DNAAF1: variants seen among roughly 807,000 people sequenced by gnomAD.
The protein encoded by DNAAF1 is dynein axonemal assembly factor 1, also known as dynein assembly factor 1, axonemal.
Under a neutral mutation model 71.1 loss-of-function variants are expected in DNAAF1, and 65 were observed. The observed-to-expected ratio is 0.91, with a 90% CI of 0.75 to 1.12. The LOEUF is 1.12. DNAAF1 is among the 50% of genes most tolerant of loss of function. The probability of loss-of-function intolerance (pLI) is 0.00; values close to 1 mark genes in which losing one functional copy is unlikely to be tolerated. For synonymous variants in DNAAF1, 414 were observed against 354.6 expected, an observed-to-expected ratio of 1.17 and a Z score of -1.88; for missense variants, 1,178 against 899.8, an observed-to-expected ratio of 1.31 and a Z score of -3.96.
At chr16:84,150,923 A>C (rs897973724) in intron 3 of DNAAF1, among the ~76,000 whole-genome samples, 1 of 152,098 alleles carries the variant, frequency 6.6e-6, no homozygotes, top group Non-Finnish European at 1.5e-5. Context: ...CAGGACTTTA[A>C]TTTTTCATAC....
At chr16:84,149,246 T>A in intron 2 of DNAAF1, 104 bp downstream of exon 2, 2 of 1,440,902 alleles carry the variant, frequency 1.4e-6, no homozygotes. Context: ...GAGATTGAAT[T>A]GCCTGCCCAA....
chr16:84,150,985 G>A (rs1307736547), intron 3 of DNAAF1, among the ~76,000 whole-genome samples: 2 of 152,146 alleles, frequency 1.3e-5, no homozygotes, highest in East Asian at 3.9e-4. Flanking sequence ...TGTTGGGAAG[G>A]ATTGCAGCTT....
At chr16:84,165,617 G>T (rs908267257) in intron 6 of DNAAF1, among the ~76,000 whole-genome samples, 166 bp from the exon 7 acceptor site, 1 of 152,110 alleles carries the variant, frequency 6.6e-6, no homozygotes, top group Admixed American at 6.6e-5. Context: ...AGGCTTTGCA[G>T]ACTGTTCCAC....
rs145075337 is a variant in DNAAF1, at chr16:84,176,072, C to A, written c.1838C>A (p.Thr613Asn). 2.6e-4 allele frequency: 419 copies of A among 1,613,952 alleles called. No homozygotes were observed. The highest frequency in any genetic ancestry group is 3.4e-4 in the Non-Finnish European group (400 of 1,180,010). The change falls in exon 11 of 12, where the codon ACC (threonine) becomes AAC (asparagine). Residue 613 changes from threonine (T) to asparagine (N), a missense_variant. By Grantham distance (65) the Thr-to-Asn change is moderately conservative (BLOSUM62 0). Coordinates refer to ENST00000378553, the MANE Select transcript of DNAAF1 (RefSeq NM_178452.6). ...LSNIFAVSKD[T>N]SKAARVPFTD... is the part of the protein sequence containing the mutation. ...AATATATTTGCAGTCTCTAAAGACA[C>A]CTCAAAGGCGGCTCGGGTGCCCTTC...
intron 11 of DNAAF1, 116 bp downstream of exon 11, chr16:84,176,415 AC>A: frequency 6.8e-7 from 1 of 1,480,930 alleles, no homozygotes; most frequent in Non-Finnish European, 9.3e-7. Flanking sequence ...TGGAGGGGTC[AC>A]CCAGGACAGA....
chr16:84,176,520 A>C, intron 11 of DNAAF1: 1 of 687,578 alleles, frequency 1.5e-6, no homozygotes, highest in Non-Finnish European at 2.5e-6. Context: ...CCACCGAGCC[A>C]GCCTCCTCTT....
At chr16:84,176,736 G>A (rs903875533) in intron 11 of DNAAF1, 6 of 278,008 alleles carry the variant, frequency 2.2e-5, no homozygotes, top group African/African-American at 4.3e-5. Flanking sequence ...ACACAAGGGC[G>A]TGGCTGCTTC....
At chr16:84,171,875 T>C (rs1466001265) in intron 8 of DNAAF1, among the ~76,000 whole-genome samples, 1 of 150,052 alleles carries the variant, frequency 6.7e-6, no homozygotes, top group Non-Finnish European at 1.5e-5. Context: ...AGGAGGGTTT[T>C]TGTCTTTTTT....
rs538528814 is a variant in DNAAF1, at chr16:84,155,460, G to A, written c.575-123G>A. The A allele has an allele frequency of 5.0e-5, 57 of 1,132,898 alleles. No homozygotes were observed. The African/African-American group carries it at 7.5e-4, about 15-fold the overall frequency. 70.2% of individuals were successfully genotyped at this position (1,132,898 alleles called of 1,614,324 possible). ...CCCAGGCTGGTCTCAAACCTCCTGG[G>A]CTCGAAAGATTCTCCCGCTTTAGCC... On this transcript the variant is annotated intron_variant, in intron 4 of 11. Transcript: ENST00000378553.
chr16:84,160,772 A>G (rs2087666102), intron 6 of DNAAF1, among the ~76,000 whole-genome samples: 1 of 151,334 alleles, frequency 6.6e-6, no homozygotes, highest in South Asian at 2.1e-4. Context: ...GTCGCTACTA[A>G]AAGTACACAA....
intron 1 of DNAAF1, 26 bp downstream of exon 1, chr16:84,145,590 G>A (rs767233089): frequency 1.3e-6 from 2 of 1,541,906 alleles, no homozygotes; most frequent in East Asian, 4.9e-5. Context: ...CAGGGAGGGC[G>A]GTGGGCGAGG....
intron 11 of DNAAF1, chr16:84,176,796 A>C (rs2088702843): frequency 5.2e-6 from 1 of 193,954 alleles, no homozygotes; most frequent in African/African-American, 2.3e-5. Flanking sequence ...GTGGCCTTCA[A>C]GGCAGGGAAG....
chr16:84,151,155 T>A (rs1240647245), intron 3 of DNAAF1, among the ~76,000 whole-genome samples: 1 of 151,930 alleles, frequency 6.6e-6, no homozygotes, highest in Non-Finnish European at 1.5e-5. Flanking sequence ...GCTGATGGGG[T>A]GACCAGCTTG....
At position 84,154,970 on chromosome 16, in the gene DNAAF1, G is replaced by A. The variant is rs6564002; in HGVS notation, c.574+172G>A. ...GTCGCCCAGGCTGGAGTGCAGTGGC[G>A]CGATCTCAGCTCACTGCAAGCTCTG... is the stretch of plus-strand genomic sequence containing the variant. On this transcript the variant is annotated intron_variant, in intron 4 of 11. Coordinates refer to ENST00000378553, the MANE Select transcript of DNAAF1 (RefSeq NM_178452.6). 0.46 allele frequency among the ~76,000 whole-genome samples: 69,617 copies of A among 151,046 alleles called. 16,507 individuals carry two copies. Among genetic ancestry groups the A allele is most frequent in the East Asian group, 0.72 (3,631 of 5,078 alleles).
chr16:84,156,851 CT>C (rs778916785), intron 5 of DNAAF1, among the ~76,000 whole-genome samples: 9,653 of 111,564 alleles, frequency 0.087, 153 homozygotes, highest in South Asian at 0.18. Context: ...TTCTTTCTTT[CT>C]TTTTTTTTTT....
chr16:84,151,844 C>G (rs1350740280), intron 3 of DNAAF1, among the ~76,000 whole-genome samples: 1 of 152,222 alleles, frequency 6.6e-6, no homozygotes, highest in Non-Finnish European at 1.5e-5. Context: ...TAATTTCTCA[C>G]CACATGAGCC....
At position 84,169,877 on chromosome 16, in the gene DNAAF1, A is replaced by G. The variant is rs776773075; in HGVS notation, c.1049A>G (p.Asp350Gly). The part of the protein sequence containing the change: ...SQERGEMTSS[D>G]DGENVPASAE... The stretch of plus-strand genomic sequence containing the variant: ...CCATTAGGGGAGATGACATCTTCAG[A>G]TGATGGTGAGAATGTGCCCGCCAGT... Residue 350 changes from aspartate to glycine, a missense_variant, in exon 8 of 12, where the codon GAT (aspartate) becomes GGT (glycine). Transcript: ENST00000378553. 6.2e-7 allele frequency: 1 copy of G among 1,613,936 alleles called. No homozygotes were observed. Among genetic ancestry groups the G allele is most frequent in the East Asian group, 2.2e-5 (1 of 44,888 alleles).
rs1215609214 is a variant in DNAAF1, at chr16:84,172,286, G to A, written c.1555G>A (p.Glu519Lys). The A allele has an allele frequency of 4.3e-6, 7 of 1,614,208 alleles. No individual in the cohort carries two copies. In the South Asian group the frequency reaches 5.5e-5, roughly 13 times the overall value. Residue 519 changes from glutamate to lysine, a missense_variant, in exon 9 of 12, where the codon GAG (glutamate) becomes AAG (lysine). Coordinates refer to ENST00000378553, the MANE Select transcript of DNAAF1 (RefSeq NM_178452.6). ...ACCGACTCCCCAGGCTGTGGCCACT[G>A]AGGGTGTATTCGTTACAGAACTTGA... ...EEPTPQAVAT[E>K]GVFVTELDGT... is the part of the protein sequence containing the mutation.
rs370675004 is a variant in DNAAF1 at position 84,159,837 on chromosome 16, G to C, written c.863+41G>C. The C allele has an allele frequency of 3.1e-6, 5 of 1,608,938 alleles. No individual in the cohort carries two copies. In the African/African-American group the frequency reaches 4.0e-5, roughly 13 times the overall value. On this transcript the variant is annotated intron_variant, in intron 6 of 11. Transcript: ENST00000378553. ...CCTTCTGATCACATTTTAATATTTAGTAGTTGACCATGCTTAATATTAAAC... is the reference window on the plus strand; with the variant it reads ...CCTTCTGATCACATTTTAATATTTACTAGTTGACCATGCTTAATATTAAAC...
Sources: gnomAD v4.1 joint callset for allele counts (sites outside exome capture counted in the v4.1 genomes callset) on GRCh38, gnomAD v4.1.1 for gene constraint, MANE v1.5 for transcripts, NCBI Gene and HGNC (gene_info 2026-07-23, HGNC 2026-07-21) for gene names.